The following MUSK variants were observed in gnomAD, a reference collection of about 807,000 sequenced individuals.
MUSK encodes muscle associated receptor tyrosine kinase, also known as muscle, skeletal receptor tyrosine-protein kinase.
A neutral mutation model predicts 88.7 loss-of-function variants in MUSK; 55 were observed. The ratio of observed to expected loss-of-function variants is 0.62; its 90% confidence interval spans 0.50 to 0.78. MUSK has a LOEUF of 0.78. Among genes scored for constraint, MUSK ranks in the 30% least tolerant of loss-of-function variants. The pLI is 0.00. For synonymous variants in MUSK, 387 were observed against 391.9 expected, an observed-to-expected ratio of 0.99 and a Z score of 0.15; for missense variants, 1,015 against 1,074.3, an observed-to-expected ratio of 0.94 and a Z score of 0.77.
At chr9:110,700,636 A>G (rs763285698) in intron 5 of MUSK, among the ~76,000 whole-genome samples, 1 of 152,178 alleles carries the variant, frequency 6.6e-6, no homozygotes, top group Non-Finnish European at 1.5e-5. Context: ...ATTGAAATGT[A>G]AAAAAATTTA....
At chr9:110,709,642 T>C (rs751696377) in intron 5 of MUSK, among the ~76,000 whole-genome samples, 12 of 152,222 alleles carry the variant, frequency 7.9e-5, no homozygotes, top group South Asian at 2.1e-4. Flanking sequence ...AGCAGTGATT[T>C]ACGCACTTGT....
At chr9:110,759,412 T>C (rs1342313134) in intron 7 of MUSK, among the ~76,000 whole-genome samples, 1 of 152,200 alleles carries the variant, frequency 6.6e-6, no homozygotes, top group Non-Finnish European at 1.5e-5. Flanking sequence ...CCATAGGAAC[T>C]GGCAAAAATT....
At chr9:110,778,605 A>AT (rs1351164306) in intron 11 of MUSK, among the ~76,000 whole-genome samples, 1 of 152,008 alleles carries the variant, frequency 6.6e-6, no homozygotes, top group Non-Finnish European at 1.5e-5. Flanking sequence ...AACGTCCTCC[A>AT]TTTTACTTAC....
intron 7 of MUSK, among the ~76,000 whole-genome samples, chr9:110,750,364 C>T (rs1332905717): frequency 6.6e-6 from 1 of 152,112 alleles, no homozygotes; most frequent in East Asian, 1.9e-4. Context: ...CCACTGCTAA[C>T]CCCCGGATCT....
At chr9:110,769,788 C>T (rs912325342) in intron 9 of MUSK, among the ~76,000 whole-genome samples, 1 of 149,960 alleles carries the variant, frequency 6.7e-6, no homozygotes, top group Non-Finnish European at 1.5e-5. Context: ...TCCTTTAGTA[C>T]TACTAACATA....
At chr9:110,716,631 T>A (rs1009384608) in intron 5 of MUSK, among the ~76,000 whole-genome samples, 4 of 150,084 alleles carry the variant, frequency 2.7e-5, no homozygotes, top group African/African-American at 7.6e-5. Context: ...ATGACCTTCC[T>A]TTTGAATGCT....
rs1400004018 is a variant in MUSK, at chr9:110,694,396, A to AC, written c.359-1007_359-1006insC. ...GCGAGACTCCGTCTCAAAAAAAAAA[A>AC]AAAAAAAAAACAAAAAAACAAAACC... On this transcript the variant is annotated intron_variant, in intron 3 of 14. Transcript: ENST00000374448. Among the ~76,000 whole-genome samples, 1,116 of 145,054 alleles carry AC rather than the reference A, an allele frequency of 7.7e-3. 12 individuals carry two copies. Among genetic ancestry groups the AC allele is most frequent in the African/African-American group, 0.029 (1,059 of 37,086 alleles).
In MUSK at chr9:110,775,435, T is replaced by A. The variant is rs577599477; in HGVS notation, c.1185-353T>A. 14 of 261,464 alleles carry A rather than the reference T, an allele frequency of 5.4e-5. No individual in the cohort carries two copies. In the East Asian group the frequency reaches 1.3e-3, roughly 24 times the overall value. 16.2% of individuals were successfully genotyped at this position (261,464 alleles called of 1,614,324 possible). A position where few individuals can be genotyped will look rare whatever the true frequency, so the allele number is the denominator to read the frequency against. ...CCTGACTTTCAGTAGGTGTGTTTTT[T>A]AAACTCTGTATACCTTTTTCCTCTA... On this transcript the variant is annotated intron_variant, in intron 9 of 14. Coordinates refer to ENST00000374448, the MANE Select transcript of MUSK (RefSeq NM_005592.4).
intron 3 of MUSK, among the ~76,000 whole-genome samples, chr9:110,693,072 T>A (rs1587913644): frequency 6.6e-6 from 1 of 152,184 alleles, no homozygotes; most frequent in Admixed American, 6.5e-5. Context: ...CCCTTCAGTA[T>A]GCAGAGAAGT....
intron 13 of MUSK, among the ~76,000 whole-genome samples, chr9:110,787,051 T>C (rs1335375546): frequency 6.6e-6 from 1 of 152,110 alleles, no homozygotes; most frequent in Non-Finnish European, 1.5e-5. Context: ...GGAATTTAGA[T>C]TCTGGACAAA....
At position 110,784,847 on chromosome 9, in the gene MUSK, G is replaced by T; in HGVS notation, c.1417G>T (p.Val473Leu). 6.2e-7 allele frequency: 1 copy of T among 1,613,662 alleles called. No homozygotes were observed. Among genetic ancestry groups the T allele is most frequent in the Non-Finnish European group, 8.5e-7 (1 of 1,179,736 alleles). Residue 473 changes from valine (V) to leucine (L), a missense_variant, in exon 12 of 15, where the codon GTG (valine) becomes TTG (leucine). Transcript: ENST00000374448. ...FPPMTSSKPSVDIPNLPSSSS... is the reference protein window; with the variant it reads ...FPPMTSSKPSLDIPNLPSSSS... ...ACCAATGACGTCCTCAAAGCCAAGTGTGGACATTCCAAATCTGCCTTCCTC... is the reference window on the plus strand; with the variant it reads ...ACCAATGACGTCCTCAAAGCCAAGTTTGGACATTCCAAATCTGCCTTCCTC...
chr9:110,753,191 G>A (rs2077268733), intron 7 of MUSK, among the ~76,000 whole-genome samples: 1 of 152,186 alleles, frequency 6.6e-6, no homozygotes, highest in Non-Finnish European at 1.5e-5. Flanking sequence ...AACACTTTGG[G>A]AGTCCGAGGT....
intron 3 of MUSK, among the ~76,000 whole-genome samples, chr9:110,690,035 A>C (rs1227353504): frequency 3.2e-4 from 29 of 91,474 alleles, no homozygotes; most frequent in Non-Finnish European, 4.9e-4. Flanking sequence ...TTATATATTA[A>C]TATAAGTATA....
At chr9:110,671,662 T>C (rs2075958464) in intron 1 of MUSK, among the ~76,000 whole-genome samples, 1 of 152,234 alleles carries the variant, frequency 6.6e-6, no homozygotes, top group South Asian at 2.1e-4. Context: ...TTTTCAATGA[T>C]GAATTCAGTG....
intron 8 of MUSK, among the ~76,000 whole-genome samples, chr9:110,762,489 G>A (rs2077416780): frequency 6.6e-6 from 1 of 152,052 alleles, no homozygotes. Flanking sequence ...GCACTGTGCT[G>A]AGCTTCACAT....
chr9:110,706,865 A>C (rs1176695335), intron 5 of MUSK, among the ~76,000 whole-genome samples: 1 of 152,072 alleles, frequency 6.6e-6, no homozygotes, highest in Admixed American at 6.6e-5. Context: ...TTAGCCGGGC[A>C]TGGTGGTGCA....
At chr9:110,717,411 C>G (rs1044244045) in intron 5 of MUSK, among the ~76,000 whole-genome samples, 1 of 149,780 alleles carries the variant, frequency 6.7e-6, no homozygotes, top group Non-Finnish European at 1.5e-5. Context: ...TCTTATCATT[C>G]TTTAAAATCT....
intron 7 of MUSK, among the ~76,000 whole-genome samples, chr9:110,760,492 T>C (rs946769648): frequency 5.9e-5 from 9 of 151,662 alleles, no homozygotes; most frequent in African/African-American, 1.7e-4. Context: ...TTCCCACTTA[T>C]AAGTGGGAGC....
At chr9:110,771,183 T>TG (rs2077569210) in intron 9 of MUSK, among the ~76,000 whole-genome samples, 2 of 147,828 alleles carry the variant, frequency 1.4e-5, no homozygotes, top group South Asian at 4.3e-4. Flanking sequence ...TTTTTTTTTT[T>TG]GTCCCTGGGT....
Sources: gnomAD v4.1 joint callset for allele counts (sites outside exome capture counted in the v4.1 genomes callset) on GRCh38, gnomAD v4.1.1 for gene constraint, MANE v1.5 for transcripts, NCBI Gene and HGNC (gene_info 2026-07-23, HGNC 2026-07-21) for gene names.